ADK: variants seen among roughly 807,000 people sequenced by gnomAD.
The protein encoded by ADK is adenosine kinase.
In ADK, 24 loss-of-function variants were observed where a neutral mutation model predicts 44.7. The ratio of observed to expected loss-of-function variants is 0.54; its 90% CI spans 0.39 to 0.76. ADK has a LOEUF of 0.76. Ranked by LOEUF, ADK falls within the 30% of genes least tolerant of loss-of-function variation. The probability of loss-of-function intolerance (pLI) is 0.00; values close to 1 mark genes in which losing one functional copy is unlikely to be tolerated. For synonymous variants in ADK, 128 were observed against 142.6 expected, an observed-to-expected ratio of 0.90 and a Z score of 0.73; for missense variants, 321 against 425.1, an observed-to-expected ratio of 0.76 and a Z score of 2.15.
At chr10:74,644,645 C>T (rs750081004) in intron 9 of ADK, among the ~76,000 whole-genome samples, 1 of 152,080 alleles carries the variant, frequency 6.6e-6, no homozygotes, top group African/African-American at 2.4e-5. Context: ...GCAGTGCTCC[C>T]GCCTCAGGCT....
chr10:74,350,591 A>G (rs1841931692), intron 4 of ADK, among the ~76,000 whole-genome samples: 1 of 152,178 alleles, frequency 6.6e-6, no homozygotes, highest in Admixed American at 6.5e-5. Flanking sequence ...AGGTACAGAC[A>G]TGAAAAACCC....
intron 7 of ADK, among the ~76,000 whole-genome samples, chr10:74,554,902 T>C (rs1446379717): frequency 6.6e-6 from 1 of 152,238 alleles, no homozygotes; most frequent in African/African-American, 2.4e-5. Flanking sequence ...ATTTTATATA[T>C]AACCATACTG....
intron 6 of ADK, among the ~76,000 whole-genome samples, chr10:74,461,490 A>G (rs1846171220): frequency 6.6e-6 from 1 of 152,120 alleles, no homozygotes; most frequent in African/African-American, 2.4e-5. Flanking sequence ...ATCCTTCCCT[A>G]TCTCAGTACT....
chr10:74,521,535 G>A (rs543718659), intron 6 of ADK, among the ~76,000 whole-genome samples: 2 of 152,166 alleles, frequency 1.3e-5, no homozygotes, highest in African/African-American at 4.8e-5. Flanking sequence ...TACTATTTAT[G>A]TAGACCATTC....
chr10:74,394,338 C>A, intron 5 of ADK, 25 bp downstream of exon 5: 1 of 1,609,964 alleles, frequency 6.2e-7, no homozygotes, highest in Non-Finnish European at 8.5e-7. Context: ...AAGGGAACCA[C>A]TATACTAATT....
At chr10:74,497,425 T>G (rs1847731093) in intron 6 of ADK, among the ~76,000 whole-genome samples, 1 of 152,244 alleles carries the variant, frequency 6.6e-6, no homozygotes. Flanking sequence ...TTCAGCTGTC[T>G]GGAATTCCTC....
intron 4 of ADK, among the ~76,000 whole-genome samples, chr10:74,373,682 G>A (rs1842737665): frequency 6.6e-6 from 1 of 152,184 alleles, no homozygotes; most frequent in African/African-American, 2.4e-5. Flanking sequence ...CAAGGATTTG[G>A]AGAACCCTAA....
At chr10:74,380,541 A>C (rs1219295421) in intron 4 of ADK, among the ~76,000 whole-genome samples, 1 of 151,976 alleles carries the variant, frequency 6.6e-6, no homozygotes, top group Non-Finnish European at 1.5e-5. Context: ...GGCGGATCAC[A>C]AGGTCAGGAG....
chr10:74,548,146 T>A (rs1849905362), intron 7 of ADK, among the ~76,000 whole-genome samples: 1 of 152,258 alleles, frequency 6.6e-6, no homozygotes. Flanking sequence ...ATTATAATTT[T>A]GGATTGCTGT....
intron 2 of ADK, among the ~76,000 whole-genome samples, chr10:74,206,418 C>T (rs577415054): frequency 1.3e-5 from 2 of 152,292 alleles, no homozygotes; most frequent in Admixed American, 1.3e-4. Flanking sequence ...GTGAGTAGAA[C>T]TAGTCTTTTA....
chr10:74,311,362 C>T (rs762107127), intron 3 of ADK, among the ~76,000 whole-genome samples: 23 of 152,102 alleles, frequency 1.5e-4, no homozygotes, highest in African/African-American at 5.3e-4. Flanking sequence ...GAAAATTAAA[C>T]GCTTATTTGA....
At position 74,303,583 on chromosome 10, in the gene ADK, ATGT is replaced by A. The variant is rs1469313709; in HGVS notation, c.195-11079_195-11077del. ...CTAAACACTTTTCATATTGGTTTTA[ATGT>A]TGTTTTTTTTTTTTTTTTTTTTTTT... On this transcript the variant is annotated intron_variant, in intron 3 of 10. Transcript: ENST00000539909. 2.2e-3 allele frequency among the ~76,000 whole-genome samples: 59 copies of A among 26,474 alleles called. 8 individuals are homozygous for A. Among genetic ancestry groups the A allele is most frequent in the South Asian group, 0.016 (24 of 1,458 alleles). The allele number at this position is 26,474 out of a possible 152,430, so 17.4% of individuals were successfully genotyped here.
At position 74,325,466 on chromosome 10, in the gene ADK, G is replaced by A. The variant is rs1330061619; in HGVS notation, c.273+10721G>A. ...TAATTTCTACCTTTCCAATTTGTAT[G>A]CCTTTTATTTCTTTCTCTTGCCTAA... On this transcript the variant is annotated intron_variant, in intron 4 of 10. Transcript: ENST00000539909. 2.0e-5 allele frequency among the ~76,000 whole-genome samples: 3 copies of A among 151,988 alleles called. No individual in the cohort carries two copies. The South Asian group carries it at 6.2e-4, about 31-fold the overall frequency.
At chr10:74,281,794 T>C (rs975182147) in intron 3 of ADK, among the ~76,000 whole-genome samples, 5 of 152,244 alleles carry the variant, frequency 3.3e-5, no homozygotes, top group Non-Finnish European at 5.9e-5. Flanking sequence ...TTTACTAATA[T>C]GAGCTGCATT....
At chr10:74,405,366 CT>C (rs752124653) in intron 6 of ADK, among the ~76,000 whole-genome samples, 2,205 of 126,104 alleles carry the variant, frequency 0.017, 50 homozygotes, top group African/African-American at 0.053. Flanking sequence ...GCGGAGGATT[CT>C]TTTTTTTTTT....
chr10:74,406,169 G>A (rs1400281431), intron 6 of ADK, among the ~76,000 whole-genome samples: 1 of 152,116 alleles, frequency 6.6e-6, no homozygotes, highest in African/African-American at 2.4e-5. Context: ...GATGTCCAGT[G>A]TATTAAAAAC....
intron 9 of ADK, among the ~76,000 whole-genome samples, chr10:74,616,406 G>A (rs918239398): frequency 1.3e-5 from 2 of 152,036 alleles, no homozygotes; most frequent in African/African-American, 4.8e-5. Flanking sequence ...TATATAAGGT[G>A]TAGGATAGGG....
intron 1 of ADK, among the ~76,000 whole-genome samples, chr10:74,187,686 C>G (rs1842807385): frequency 6.6e-6 from 1 of 152,172 alleles, no homozygotes; most frequent in Admixed American, 6.5e-5. Context: ...TCCTTACTCT[C>G]TGCTAGGCTT....
intron 4 of ADK, among the ~76,000 whole-genome samples, chr10:74,377,368 GC>G (rs1842847920): frequency 6.6e-6 from 1 of 152,160 alleles, no homozygotes; most frequent in East Asian, 1.9e-4. Flanking sequence ...AAATGGGTTA[GC>G]TGAACATACA....
Sources: gnomAD v4.1 joint callset for allele counts (sites outside exome capture counted in the v4.1 genomes callset) on GRCh38, gnomAD v4.1.1 for gene constraint, MANE v1.5 for transcripts, NCBI Gene and HGNC (gene_info 2026-07-23, HGNC 2026-07-21) for gene names.